The following GCNT1 variants were observed in gnomAD, a reference collection of about 807,000 sequenced individuals.
GCNT1 encodes beta-1,3-galactosyl-O-glycosyl-glycoprotein beta-1,6-N-acetylglucosaminyltransferase.
A neutral mutation model predicts 26.2 loss-of-function variants in GCNT1; 16 were observed. That is an observed-to-expected ratio of 0.61 (90% CI 0.41 to 0.93). GCNT1 has a LOEUF of 0.93. GCNT1 is among the 40% of genes least tolerant of loss of function. The pLI is 0.00. For missense variants in GCNT1, 477 were observed against 526.7 expected, an observed-to-expected ratio of 0.91 and a Z score of 0.92; for synonymous variants, 183 against 190.8, an observed-to-expected ratio of 0.96 and a Z score of 0.34.
chr9:76,438,385 G>T (rs146595910), upstream of GCNT1, among the ~76,000 whole-genome samples: 1 of 152,304 alleles, frequency 6.6e-6, no homozygotes, highest in African/African-American at 2.4e-5. Flanking sequence ...TTATAATAAG[G>T]TGTTGTGGAG....
At chr9:76,485,736 CTT>C (rs34832618) in intron 2 of GCNT1, among the ~76,000 whole-genome samples, 22 of 146,752 alleles carry the variant, frequency 1.5e-4, no homozygotes, top group Non-Finnish European at 1.7e-4. Context: ...CTGTCTCTTC[CTT>C]TTTTTTTTTT....
intron 2 of GCNT1, among the ~76,000 whole-genome samples, chr9:76,484,786 C>CTTTT (rs33956720): frequency 1.1e-4 from 14 of 126,186 alleles, no homozygotes; most frequent in South Asian, 2.5e-4. Flanking sequence ...ACCATGATTG[C>CTTTT]TTTTTTTTTT....
intron 2 of GCNT1, among the ~76,000 whole-genome samples, chr9:76,489,900 C>A (rs1257757552): frequency 6.6e-6 from 1 of 152,182 alleles, no homozygotes; most frequent in Non-Finnish European, 1.5e-5. Flanking sequence ...GTGGGTCAGT[C>A]CAGGGGTCCT....
chr9:76,405,894 T>G, the GCNT1 span, among the ~76,000 whole-genome samples: 1 of 152,222 alleles, frequency 6.6e-6, no homozygotes, highest in Non-Finnish European at 1.5e-5. Context: ...TTCAATTAAT[T>G]TGGGTAAATA....
rs183260694 is a variant in GCNT1, at chr9:76,504,546, G to A, written c.*878G>A. The A allele has an allele frequency of 2.8e-5, 11 of 395,910 alleles. No homozygotes were observed. Among genetic ancestry groups the A allele is most frequent in the Non-Finnish European group, 4.6e-5 (10 of 215,448 alleles). 24.5% of individuals were successfully genotyped at this position (395,910 alleles called of 1,614,324 possible). A position where few individuals can be genotyped will look rare whatever the true frequency, so the allele number is the denominator to read the frequency against. On this transcript the variant is annotated 3_prime_UTR_variant, in exon 4 of 4. Transcript: ENST00000376730. The stretch of plus-strand genomic sequence containing the variant: ...TGCTATCTGACTGCCAGTAATTAGT[G>A]CAGAAAACTAAGACAGGATGATACA...
intron 1 of GCNT1, among the ~76,000 whole-genome samples, chr9:76,429,527 T>C (rs747498327): frequency 7.2e-5 from 11 of 152,152 alleles, no homozygotes; most frequent in Non-Finnish European, 1.3e-4. Flanking sequence ...GGCAGCCTGT[T>C]CTCCTGGGCT....
At chr9:76,468,170 T>G (rs1008121944) in intron 2 of GCNT1, among the ~76,000 whole-genome samples, 2 of 152,130 alleles carry the variant, frequency 1.3e-5, no homozygotes, top group African/African-American at 4.8e-5. Flanking sequence ...GTGCTGGGAT[T>G]ACGGGCGTGA....
At chr9:76,420,324 G>C (rs1390499922) in intron 1 of GCNT1, 1 of 152,204 alleles carries the variant, frequency 6.6e-6, no homozygotes, top group South Asian at 2.1e-4. Flanking sequence ...ACCCAAGCTG[G>C]AGTGCAGTGG....
chr9:76,397,468 G>A, the GCNT1 span, among the ~76,000 whole-genome samples: 3 of 146,822 alleles, frequency 2.0e-5, no homozygotes, highest in South Asian at 6.5e-4. Context: ...TTTTGAACCA[G>A]AGTCTCACTC....
intron 3 of GCNT1, among the ~76,000 whole-genome samples, chr9:76,501,439 G>A (rs1825066602): frequency 6.6e-6 from 1 of 152,110 alleles, no homozygotes; most frequent in Non-Finnish European, 1.5e-5. Context: ...ATACACTATT[G>A]TTTTCTGCAA....
intron 2 of GCNT1, among the ~76,000 whole-genome samples, chr9:76,479,460 A>G (rs1824357115): frequency 6.6e-6 from 1 of 152,238 alleles, no homozygotes; most frequent in African/African-American, 2.4e-5. Context: ...TGGTTGAACC[A>G]GTTTACAGTC....
At chr9:76,466,435 C>A (rs1823996161) in intron 2 of GCNT1, among the ~76,000 whole-genome samples, 1 of 152,264 alleles carries the variant, frequency 6.6e-6, no homozygotes, top group East Asian at 1.9e-4. Flanking sequence ...TCAAGTAGCA[C>A]CAAGGGTGTA....
At chr9:76,479,097 A>C (rs1450491939) in intron 2 of GCNT1, among the ~76,000 whole-genome samples, 2 of 151,902 alleles carry the variant, frequency 1.3e-5, no homozygotes, top group Non-Finnish European at 2.9e-5. Flanking sequence ...TATGAGTGAG[A>C]ACATGCGATG....
chr9:76,494,174 A>G (rs1288042890), intron 2 of GCNT1, among the ~76,000 whole-genome samples: 1 of 152,024 alleles, frequency 6.6e-6, no homozygotes, highest in Non-Finnish European at 1.5e-5. Flanking sequence ...GCTAGACCAC[A>G]AGGATGACCG....
chr9:76,476,639 T>C (rs935503933), intron 2 of GCNT1, among the ~76,000 whole-genome samples: 1 of 152,142 alleles, frequency 6.6e-6, no homozygotes, highest in Non-Finnish European at 1.5e-5. Flanking sequence ...GCAAATGAAG[T>C]CTCCTGCCTG....
intron 1 of GCNT1, among the ~76,000 whole-genome samples, chr9:76,428,277 AAAAAAAAAAAAACTT>A (rs1031949632): frequency 8.5e-5 from 12 of 141,478 alleles, no homozygotes; most frequent in African/African-American, 1.4e-4. Flanking sequence ...AAAAAAAAAA[AAAAAAAAAAAAACTT>A]AAAAAAAAAA....
upstream of GCNT1, among the ~76,000 whole-genome samples, chr9:76,416,690 A>G (rs1213778865): frequency 6.6e-6 from 1 of 152,236 alleles, no homozygotes; most frequent in African/African-American, 2.4e-5. Flanking sequence ...AACTAACACT[A>G]TGGCATAAAT....
At chr9:76,451,615 A>C (rs2131587279) in intron 1 of GCNT1, among the ~76,000 whole-genome samples, 2 of 152,316 alleles carry the variant, frequency 1.3e-5, no homozygotes, top group East Asian at 3.9e-4. Flanking sequence ...TTTTAATATA[A>C]AAGGCCAAAG....
chr9:76,503,651 G>C lies in GCNT1; in HGVS notation c.1270G>C (p.Glu424Gln), dbSNP rs767377136. The change falls in exon 4 of 4, where the codon GAG (glutamate) becomes CAG (glutamine). Residue 424 changes from glutamate (E) to glutamine (Q), a missense_variant. Glu to Gln is a conservative substitution (Grantham distance 29). Coordinates refer to ENST00000376730, the MANE Select transcript of GCNT1 (RefSeq NM_001490.5). Reference protein sequence around the residue: ...LDEHLRHKALETLKH With the variant: ...LDEHLRHKALQTLKH ...TGAGCATTTGAGACACAAAGCTTTG[G>C]AGACATTAAAACACTGACCATTACG... 2.0e-5 allele frequency: 32 copies of C among 1,613,386 alleles called. No individual in the cohort carries two copies. Among genetic ancestry groups the C allele is most frequent in the Non-Finnish European group, 2.6e-5 (31 of 1,179,726 alleles).
Sources: gnomAD v4.1 joint callset for allele counts (sites outside exome capture counted in the v4.1 genomes callset) on GRCh38, gnomAD v4.1.1 for gene constraint, MANE v1.5 for transcripts, NCBI Gene and HGNC (gene_info 2026-07-23, HGNC 2026-07-21) for gene names.